The following CELF2 variants were observed in gnomAD, a reference collection of about 807,000 sequenced individuals.
CELF2 encodes the protein CUG triplet repeat RNA-binding protein 2.
A neutral mutation model predicts 62.6 loss-of-function variants in CELF2; 8 were observed. The observed-to-expected ratio is 0.13, with a 90% CI of 0.07 to 0.23. CELF2 has a LOEUF of 0.23. Among genes scored for constraint, CELF2 ranks in the 10% least tolerant of loss-of-function variants. The probability of loss-of-function intolerance (pLI) is 1.00; values close to 1 mark genes in which losing one functional copy is unlikely to be tolerated. For missense variants in CELF2, 333 were observed against 671.0 expected, an observed-to-expected ratio of 0.50 and a Z score of 5.56; for synonymous variants, 258 against 250.0, an observed-to-expected ratio of 1.03 and a Z score of -0.30.
chr10:11,170,415 G>T (rs2068479778), intron 2 of CELF2, among the ~76,000 whole-genome samples: 1 of 152,180 alleles, frequency 6.6e-6, no homozygotes, highest in South Asian at 2.1e-4. Context: ...GAAATTGAAT[G>T]GAAAGAGTGG....
rs2050593695 is a variant in CELF2, at chr10:11,098,649, G to A, written c.75-66837G>A. On this transcript the variant is annotated intron_variant, in intron 1 of 12. Coordinates refer to ENST00000633077, the MANE Select transcript of CELF2 (RefSeq NM_001326342.2). This position sits in a 1 kb window ranked among gnomAD's most constrained non-coding sequence, Gnocchi z 4.0. ...ATTTTAGACAAATAATGCATGATAA[G>A]TATAAATGTGTCATGAGCACACTGT... Among the ~76,000 whole-genome samples the A allele has an allele frequency of 6.6e-6, 1 of 152,198 alleles. No homozygotes were observed. The highest frequency in any genetic ancestry group is 1.5e-5 in the Non-Finnish European group (1 of 68,032).
chr10:10,827,609 T>C (rs1162522357), intron 1 of CELF2, among the ~76,000 whole-genome samples: 2 of 152,216 alleles, frequency 1.3e-5, no homozygotes, highest in African/African-American at 4.8e-5. Context: ...CCATGGAAAG[T>C]ATTCATATTC....
intron 1 of CELF2, among the ~76,000 whole-genome samples, chr10:11,131,631 GAGGA>G (rs535374710): frequency 1.9e-3 from 284 of 152,348 alleles, no homozygotes; most frequent in African/African-American, 6.6e-3. Flanking sequence ...TGGATCCATG[GAGGA>G]AGGTGACATG....
At chr10:11,232,167 G>A (rs187530292) in intron 3 of CELF2, among the ~76,000 whole-genome samples, 2,336 of 148,336 alleles carry the variant, frequency 0.016, 61 homozygotes, top group African/African-American at 0.055. Context: ...AACAGGCCCC[G>A]GTGTGTGATG....
At chr10:10,752,774 ATT>A in the CELF2 span, among the ~76,000 whole-genome samples, 1 of 140,612 alleles carries the variant, frequency 7.1e-6, no homozygotes, top group Admixed American at 7.6e-5. Context: ...ATTTACTGGT[ATT>A]ACTCATGGGA....
the CELF2 span, among the ~76,000 whole-genome samples, chr10:10,684,821 T>C: frequency 6.6e-6 from 1 of 152,162 alleles, no homozygotes; most frequent in Non-Finnish European, 1.5e-5. Flanking sequence ...AACGTGCTAT[T>C]TTGAAGCTCC....
the CELF2 span, among the ~76,000 whole-genome samples, chr10:10,580,372 T>C: frequency 1.3e-5 from 2 of 152,194 alleles, no homozygotes; most frequent in Non-Finnish European, 2.9e-5. Context: ...AATTGTTCAC[T>C]GAAAAGAAGT....
At chr10:11,024,647 A>C (rs1293361741) in intron 1 of CELF2, among the ~76,000 whole-genome samples, 1 of 152,136 alleles carries the variant, frequency 6.6e-6, no homozygotes, top group Non-Finnish European at 1.5e-5. Context: ...ATAATGAAGA[A>C]GTCCCGGAAG....
chr10:11,234,408 C>T (rs531590654), intron 3 of CELF2, among the ~76,000 whole-genome samples: 50 of 152,284 alleles, frequency 3.3e-4, no homozygotes, highest in African/African-American at 1.2e-3. Context: ...TCTGGCTGGG[C>T]GCGGTGGCTC....
chr10:10,714,660 G>A, the CELF2 span, among the ~76,000 whole-genome samples: 3 of 152,240 alleles, frequency 2.0e-5, no homozygotes, highest in South Asian at 4.1e-4. Flanking sequence ...AAGAGGGATG[G>A]GGGATTTTTG....
chr10:10,562,194 C>A, the CELF2 span, among the ~76,000 whole-genome samples: 2 of 152,170 alleles, frequency 1.3e-5, no homozygotes, highest in African/African-American at 4.8e-5. Flanking sequence ...GAAAACAACA[C>A]ACACACCCTC....
At chr10:10,761,656 C>A in the CELF2 span, among the ~76,000 whole-genome samples, 6 of 152,280 alleles carry the variant, frequency 3.9e-5, no homozygotes, top group Non-Finnish European at 7.4e-5. Flanking sequence ...AAGAGAGAAC[C>A]TCCTGCCTGA....
At chr10:11,126,646 T>G (rs2058748596) in intron 1 of CELF2, among the ~76,000 whole-genome samples, 1 of 152,230 alleles carries the variant, frequency 6.6e-6, no homozygotes, top group Non-Finnish European at 1.5e-5. Flanking sequence ...GCTGTCAATA[T>G]ACAAAACACA....
intron 1 of CELF2, among the ~76,000 whole-genome samples, chr10:11,079,934 A>G (rs1477986753): frequency 6.6e-6 from 1 of 152,202 alleles, no homozygotes; most frequent in Non-Finnish European, 1.5e-5. Context: ...GGGATTTGTT[A>G]GCTGCTGACC....
chr10:11,165,403 C>T lies in CELF2; in HGVS notation c.75-83C>T. 3 of 1,533,916 alleles carry T rather than the reference C, an allele frequency of 2.0e-6. No individual in the cohort carries two copies. Among genetic ancestry groups the T allele is most frequent in the Non-Finnish European group, 2.6e-6 (3 of 1,140,920 alleles). ...CTCTTCTTCCTCCTCCTTCCGCCTC[C>T]CCGCTCCCCCACCCCCACTATTTTT... On this transcript the variant is annotated intron_variant, in intron 1 of 12. Coordinates refer to ENST00000633077, the MANE Select transcript of CELF2 (RefSeq NM_001326342.2). This position sits in a 1 kb window ranked among gnomAD's most constrained non-coding sequence, Gnocchi z 7.4.
intron 1 of CELF2, among the ~76,000 whole-genome samples, chr10:11,094,578 C>A (rs2049240522): frequency 6.6e-6 from 1 of 152,042 alleles, no homozygotes; most frequent in Non-Finnish European, 1.5e-5. Flanking sequence ...ACAACAATTT[C>A]TTTGGAAGGG....
Position 11,046,244 on chromosome 10 carries a change from G to A in CELF2, c.74+28081G>A, listed in dbSNP as rs1313776380. ...CATCCCCAGACGTTCCGATTCAGCG[G>A]GTCCAAGGTGGGGCTGGGAATTTGC... On this transcript the variant is annotated intron_variant, in intron 1 of 12. Transcript: ENST00000633077. This position sits in a 1 kb window ranked among gnomAD's most constrained non-coding sequence, Gnocchi z 4.6. Among the ~76,000 whole-genome samples, 2 of 152,166 alleles carry A rather than the reference G, an allele frequency of 1.3e-5. No homozygotes were observed. Among genetic ancestry groups the A allele is most frequent in the East Asian group, 3.8e-4 (2 of 5,196 alleles).
At chr10:11,322,995 G>A (rs2095524183) in intron 11 of CELF2, among the ~76,000 whole-genome samples, 1 of 152,034 alleles carries the variant, frequency 6.6e-6, no homozygotes, top group Non-Finnish European at 1.5e-5. Context: ...CCACATGGTG[G>A]TCACCTCTCC....
At chr10:10,908,483 G>A (rs1434195732) in intron 1 of CELF2, among the ~76,000 whole-genome samples, 2 of 151,828 alleles carry the variant, frequency 1.3e-5, no homozygotes, top group Non-Finnish European at 2.9e-5. Context: ...GCCTCCCAAA[G>A]TGCTAGGATT....
Sources: allele counts gnomAD v4.1 joint callset (sites outside exome capture counted in the v4.1 genomes callset), GRCh38; gene constraint gnomAD v4.1.1; non-coding constraint Gnocchi (gnomAD v3.1); transcripts MANE v1.5; gene names NCBI Gene and HGNC (gene_info 2026-07-23, HGNC 2026-07-21).